Variants in USP32 observed in about 807,000 individuals in gnomAD.
USP32 encodes the protein ubiquitin specific peptidase 32, also known as ubiquitin carboxyl-terminal hydrolase 32.
A neutral mutation model predicts 204.8 loss-of-function variants in USP32; 59 were observed. The observed-to-expected ratio is 0.29, with a 90% CI of 0.23 to 0.36. USP32 has a LOEUF of 0.36. Ranked by LOEUF, USP32 falls within the 10% of genes least tolerant of loss-of-function variation. The pLI, the probability that USP32 is intolerant of heterozygous loss-of-function variation, is 1.00. For missense variants in USP32, 1,160 were observed against 1,946.4 expected (o/e 0.60, Z 7.60); for synonymous variants, 517 against 678.4 (o/e 0.76, Z 3.70).
At chr17:60,277,124 G>C (rs1453455887) in intron 5 of USP32, among the ~76,000 whole-genome samples, 1 of 151,932 alleles carries the variant, frequency 6.6e-6, no homozygotes, top group African/African-American at 2.4e-5. Flanking sequence ...TAGTCTATTG[G>C]CTAAATAAGA....
chr17:60,297,196 G>A (rs988806704), intron 3 of USP32, among the ~76,000 whole-genome samples: 4 of 152,012 alleles, frequency 2.6e-5, no homozygotes, highest in African/African-American at 7.2e-5. Flanking sequence ...CCAGGAGTTC[G>A]AGACCAGCCT....
At chr17:60,370,701 A>G (rs1481788833) in intron 1 of USP32, among the ~76,000 whole-genome samples, 4 of 151,396 alleles carry the variant, frequency 2.6e-5, no homozygotes, top group Admixed American at 6.6e-5. Context: ...GGTCGAGGCT[A>G]CAGTGAGTTG....
rs2087067304 is a variant in USP32 at position 60,284,775 on chromosome 17, T to TA, written c.571+3747_571+3748insT. Among the ~76,000 whole-genome samples the TA allele has an allele frequency of 4.6e-5, 7 of 152,198 alleles. No homozygotes were observed. The South Asian group carries it at 1.4e-3, about 31-fold the overall frequency. On this transcript the variant is annotated intron_variant, in intron 5 of 33. Transcript: ENST00000300896. ...TTTTTTAGGTTCCTCTAAGCTCACT[T>TA]CTACTAAGTTTCATTCTTGGTTCCC...
chr17:60,229,626 C>T (rs937596053), intron 12 of USP32, among the ~76,000 whole-genome samples: 1 of 152,098 alleles, frequency 6.6e-6, no homozygotes, highest in Non-Finnish European at 1.5e-5. Context: ...AACAGCGCCA[C>T]CTTTGAGAAA....
chr17:60,224,775 C>T (rs2085340598), intron 13 of USP32, among the ~76,000 whole-genome samples: 1 of 152,070 alleles, frequency 6.6e-6, no homozygotes, highest in Admixed American at 6.6e-5. Context: ...AGAGTGACAC[C>T]CTGTCTCTTT....
At chr17:60,192,713 C>T in intron 28 of USP32, 131 bp downstream of exon 28, 1 of 1,179,038 alleles carries the variant, frequency 8.5e-7, no homozygotes, top group Non-Finnish European at 1.2e-6. Context: ...GCGTGAGCCA[C>T]CGTGCCCAGC....
intron 11 of USP32, among the ~76,000 whole-genome samples, chr17:60,236,804 T>C (rs1034128874): frequency 6.6e-6 from 1 of 152,200 alleles, no homozygotes; most frequent in Non-Finnish European, 1.5e-5. Flanking sequence ...TCTTACAGAT[T>C]TGTCTTTTCT....
intron 2 of USP32, among the ~76,000 whole-genome samples, chr17:60,318,555 T>G (rs1309748341): frequency 6.6e-6 from 1 of 152,170 alleles, no homozygotes; most frequent in African/African-American, 2.4e-5. Flanking sequence ...GAGACTCAAG[T>G]AAAGACAACA....
chr17:60,324,705 C>T (rs917827187), intron 2 of USP32, among the ~76,000 whole-genome samples: 1 of 152,030 alleles, frequency 6.6e-6, no homozygotes, highest in African/African-American at 2.4e-5. Context: ...GAAAATTATA[C>T]TAAAAAACTG....
At chr17:60,372,034 C>A (rs959474341) in intron 1 of USP32, among the ~76,000 whole-genome samples, 1 of 151,986 alleles carries the variant, frequency 6.6e-6, no homozygotes, top group East Asian at 1.9e-4. Flanking sequence ...ATAACTATTG[C>A]GGTAGGATTA....
rs1023728599 is a variant in USP32 at position 60,201,083 on chromosome 17, C to G, written c.3250-2639G>C. Among the ~76,000 whole-genome samples the G allele has an allele frequency of 9.9e-5, 15 of 152,208 alleles. 1 individual carries two copies. The South Asian group carries it at 1.9e-3, about 19-fold the overall frequency. Reference sequence around the variant, plus strand: ...ATGTTGCCCAGGCTGGTCTTAAACTCCTGGGCTCAAGCAATCGGCCCACCT... The same window carrying G: ...ATGTTGCCCAGGCTGGTCTTAAACTGCTGGGCTCAAGCAATCGGCCCACCT... On this transcript the variant is annotated intron_variant, in intron 26 of 33. Transcript: ENST00000300896.
chr17:60,334,512 G>A (rs2088468133), intron 2 of USP32, among the ~76,000 whole-genome samples: 1 of 151,856 alleles, frequency 6.6e-6, no homozygotes, highest in South Asian at 2.1e-4. Flanking sequence ...GTGTATAAGT[G>A]AAACCTCGTC....
At chr17:60,392,542 GGTTA>G (rs1344850287), upstream of USP32, 1 of 398,710 alleles carries the variant, frequency 2.5e-6, no homozygotes, top group African/African-American at 2.2e-5. Context: ...AGCAGCTGAC[GGTTA>G]GTGTGGCAGT....
intron 1 of USP32, 30 bp downstream of exon 1, chr17:60,391,852 G>C: frequency 6.3e-7 from 1 of 1,583,456 alleles, no homozygotes; most frequent in East Asian, 2.4e-5. Context: ...GGGCCTCCCA[G>C]GCAGCTCGCC....
intron 1 of USP32, among the ~76,000 whole-genome samples, chr17:60,420,093 A>T (rs1051055727): frequency 2.1e-4 from 29 of 136,372 alleles, no homozygotes; most frequent in Admixed American, 7.9e-4. Flanking sequence ...ATTTTATTTT[A>T]TTTGTTTTGT....
intron 9 of USP32, 57 bp from the exon 10 acceptor site, chr17:60,255,315 T>G: frequency 1.6e-6 from 2 of 1,225,234 alleles, no homozygotes; most frequent in South Asian, 1.4e-5. Flanking sequence ...TTTTTTTTTT[T>G]GAGACGGAGT....
At chr17:60,378,416 A>G (rs973530643) in intron 1 of USP32, among the ~76,000 whole-genome samples, 6 of 152,168 alleles carry the variant, frequency 3.9e-5, no homozygotes, top group Admixed American at 6.5e-5. Flanking sequence ...ATATAGAATT[A>G]CCATATGACC....
At chr17:60,212,241 C>T (rs367998539) in intron 18 of USP32, 143 bp from the exon 19 acceptor site, 19 of 684,000 alleles carry the variant, frequency 2.8e-5, no homozygotes, top group African/African-American at 1.1e-4. Flanking sequence ...TGCTTAACGA[C>T]GAGGTTATAT....
At chr17:60,228,955 C>T (rs1025679353) in intron 12 of USP32, among the ~76,000 whole-genome samples, 2 of 151,844 alleles carry the variant, frequency 1.3e-5, no homozygotes, top group South Asian at 2.1e-4. Flanking sequence ...GTGTGAGCCA[C>T]CTCACCTGGT....
Sources: gnomAD v4.1 joint callset for allele counts (sites outside exome capture counted in the v4.1 genomes callset) on GRCh38, gnomAD v4.1.1 for gene constraint, MANE v1.5 for transcripts, NCBI Gene and HGNC (gene_info 2026-07-23, HGNC 2026-07-21) for gene names.